MRPS31: variants seen among roughly 807,000 people sequenced by gnomAD.
The protein encoded by MRPS31 is mitochondrial ribosomal protein S31.
In MRPS31, 32 loss-of-function variants were observed where a neutral mutation model predicts 43.1. The observed-to-expected ratio is 0.74, with a 90% confidence interval of 0.56 to 1.00. The LOEUF is 1.00. Ranked by LOEUF, MRPS31 falls within the 50% of genes least tolerant of loss-of-function variation. MRPS31 has a pLI of 0.00. For synonymous variants in MRPS31, 165 were observed against 161.6 expected, an observed-to-expected ratio of 1.02 and a Z score of -0.16; for missense variants, 437 against 466.7, an observed-to-expected ratio of 0.94 and a Z score of 0.59.
chr13:40,735,650 G>A (rs1879876093), intron 6 of MRPS31, among the ~76,000 whole-genome samples: 1 of 152,054 alleles, frequency 6.6e-6, no homozygotes, highest in South Asian at 2.1e-4. Context: ...CTAACTGGGA[G>A]GCACCCACCA....
chr13:40,771,092 G>A lies in MRPS31; in HGVS notation c.45C>T (p.Ser15=). Reference sequence around the variant, plus strand: ...GGCTTCCAGAGGACAAAGGGTGGCGGGAAAGGGGGCGAAGAGGTAGGAACG... The same window carrying A: ...GGCTTCCAGAGGACAAAGGGTGGCGAGAAAGGGGGCGAAGAGGTAGGAACG... The part of the protein sequence containing the change: ...VSTFLPLRPL[S]RHPLSSGSPE... The change falls in exon 1 of 7, where the codon TCC becomes TCT. Residue 15 remains serine, a synonymous_variant. Coordinates refer to ENST00000323563, the MANE Select transcript of MRPS31 (RefSeq NM_005830.4). 1 of 1,613,942 alleles carries A rather than the reference G, an allele frequency of 6.2e-7. No homozygotes were observed. Among genetic ancestry groups the A allele is most frequent in the South Asian group, 1.1e-5 (1 of 91,054 alleles).
rs1387245357 is a variant in MRPS31, at chr13:40,750,743, TA to T, written c.815-1463del. On this transcript the variant is annotated intron_variant, in intron 5 of 6. Coordinates refer to ENST00000323563, the MANE Select transcript of MRPS31 (RefSeq NM_005830.4). Reference sequence around the variant, plus strand: ...GAATGCTTGCATTAGTATCCCATTTTATATATATATATATATATATATATAT... The same window carrying T: ...GAATGCTTGCATTAGTATCCCATTTTTATATATATATATATATATATATAT... Among the ~76,000 whole-genome samples the T allele has an allele frequency of 0.012, 30 of 2,574 alleles. No individual in the cohort carries two copies. In the South Asian group the frequency reaches 0.13, roughly 11 times the overall value. 1.7% of individuals were successfully genotyped at this position (2,574 alleles called of 152,430 possible).
intron 6 of MRPS31, among the ~76,000 whole-genome samples, chr13:40,736,442 T>TA: frequency 6.8e-6 from 1 of 146,018 alleles, no homozygotes; most frequent in Non-Finnish European, 1.5e-5. Context: ...GCCACAAAGA[T>TA]ACTCCTCGAG....
chr13:40,756,917 A>G lies in MRPS31; in HGVS notation c.696T>C (p.Tyr232=). 1 of 1,614,020 alleles carries G rather than the reference A, an allele frequency of 6.2e-7. No individual in the cohort carries two copies. The highest frequency in any genetic ancestry group is 1.3e-5 in the African/African-American group (1 of 75,034). Residue 232 remains tyrosine (Y), a synonymous_variant, in exon 4 of 7, where the codon TAT becomes TAC. Transcript: ENST00000323563. The stretch of plus-strand genomic sequence containing the variant: ...TCTTCTCCTGGCCAGGATAATTGTC[A>G]TAGCCTTCATCAAACTGAATCCGAA... ...PELRIQFDEG[Y]DNYPGQEKTD...
intron 6 of MRPS31, among the ~76,000 whole-genome samples, chr13:40,735,164 G>C (rs1210798744): frequency 1.3e-5 from 2 of 152,208 alleles, no homozygotes; most frequent in Non-Finnish European, 2.9e-5. Flanking sequence ...ATCAAAGAAA[G>C]GGGTGACGGA....
At chr13:40,731,218 A>G (rs976547924) in intron 6 of MRPS31, 1 of 145,902 alleles carries the variant, frequency 6.9e-6, no homozygotes. Context: ...CATACCATGC[A>G]CTCTAGCCTG....
At chr13:40,767,877 C>A (rs572552318) in intron 1 of MRPS31, among the ~76,000 whole-genome samples, 2 of 152,280 alleles carry the variant, frequency 1.3e-5, no homozygotes, top group South Asian at 2.1e-4. Flanking sequence ...AAAAAACTTT[C>A]TGAGTGGGTG....
chr13:40,729,658 T>C (rs577672905), intron 6 of MRPS31, 57 bp from the exon 7 acceptor site: 1 of 1,091,030 alleles, frequency 9.2e-7, no homozygotes, highest in African/African-American at 1.6e-5. Context: ...ACCTACATCA[T>C]AAAAATAATA....
chr13:40,765,905 A>C (rs1880832158), intron 2 of MRPS31, among the ~76,000 whole-genome samples: 1 of 152,194 alleles, frequency 6.6e-6, no homozygotes, highest in Non-Finnish European at 1.5e-5. Flanking sequence ...TAAATATAAT[A>C]CTCTTTTGAC....
Position 40,763,617 on chromosome 13 carries a change from T to C in MRPS31, c.440+3129A>G, listed in dbSNP as rs529961624. On this transcript the variant is annotated intron_variant, in intron 2 of 6. Coordinates refer to ENST00000323563, the MANE Select transcript of MRPS31 (RefSeq NM_005830.4). ...CCAGATGTACCTGATAAGCAGATTA[T>C]ACTTTCAGAAAATAGTGACAGCATT... Among the ~76,000 whole-genome samples, 3 of 152,286 alleles carry C rather than the reference T, an allele frequency of 2.0e-5. No homozygotes were observed. In the South Asian group the frequency reaches 6.2e-4, roughly 32 times the overall value.
Position 40,756,569 on chromosome 13 carries a change from T to G in MRPS31, c.740+304A>C, listed in dbSNP as rs1489499198. Among the ~76,000 whole-genome samples the G allele has an allele frequency of 2.0e-5, 3 of 152,192 alleles. No homozygotes were observed. In the East Asian group the frequency reaches 5.8e-4, roughly 29 times the overall value. ...AAAAATAATGTTTCTCACAAAATAC[T>G]TATTTGCTCAGAATTCAGTCAGCTC... is the stretch of plus-strand genomic sequence containing the variant. On this transcript the variant is annotated intron_variant, in intron 4 of 6. Coordinates refer to ENST00000323563, the MANE Select transcript of MRPS31 (RefSeq NM_005830.4).
intron 5 of MRPS31, 46 bp downstream of exon 5, chr13:40,753,973 G>T: frequency 8.4e-7 from 1 of 1,191,094 alleles, no homozygotes; most frequent in South Asian, 1.3e-5. Flanking sequence ...ATCCTGGAAC[G>T]ATGGAATGTT....
intron 2 of MRPS31, 82 bp downstream of exon 2, chr13:40,766,664 G>T: frequency 1.6e-6 from 2 of 1,268,142 alleles, no homozygotes; most frequent in South Asian, 3.0e-5. Flanking sequence ...CATTTCCCAA[G>T]TACTTGTATT....
chr13:40,745,565 A>T (rs1180761032), intron 6 of MRPS31, among the ~76,000 whole-genome samples: 1 of 152,108 alleles, frequency 6.6e-6, no homozygotes, highest in Non-Finnish European at 1.5e-5. Flanking sequence ...AATTTTTAAT[A>T]TGTATTTTGT....
chr13:40,732,994 GTTTTTTT>G (rs1159862645), intron 6 of MRPS31, among the ~76,000 whole-genome samples: 7 of 84,486 alleles, frequency 8.3e-5, no homozygotes, highest in African/African-American at 1.7e-4. Flanking sequence ...AATGCATTTG[GTTTTTTT>G]TTTTTTTTTT....
intron 2 of MRPS31, among the ~76,000 whole-genome samples, chr13:40,763,787 G>A (rs1328249537): frequency 6.6e-6 from 1 of 152,260 alleles, no homozygotes; most frequent in East Asian, 1.9e-4. Context: ...CAACTTCTGA[G>A]GCTAGATCAA....
At chr13:40,770,536 A>G (rs1880977872) in intron 1 of MRPS31, among the ~76,000 whole-genome samples, 1 of 152,242 alleles carries the variant, frequency 6.6e-6, no homozygotes, top group African/African-American at 2.4e-5. Flanking sequence ...ACACTATCTC[A>G]GCTATTACTT....
chr13:40,757,671 C>T (rs1880568461), intron 3 of MRPS31, among the ~76,000 whole-genome samples: 1 of 150,108 alleles, frequency 6.7e-6, no homozygotes, highest in Non-Finnish European at 1.5e-5. Flanking sequence ...GTCTTGATCT[C>T]CTGACGTGGT....
Position 40,770,973 on chromosome 13 carries a change from C to T in MRPS31, c.152+12G>A, listed in dbSNP as rs181496355. The T allele has an allele frequency of 1.2e-6, 2 of 1,614,046 alleles. No individual in the cohort carries two copies. Among genetic ancestry groups the T allele is most frequent in the East Asian group, 2.2e-5 (1 of 44,880 alleles). On this transcript the variant is annotated intron_variant, in intron 1 of 6. Coordinates refer to ENST00000323563, the MANE Select transcript of MRPS31 (RefSeq NM_005830.4). ...TGTACAGGACGGGGCACGGGGTTGC[C>T]TGAGGACCTACCGGGCCAACAGCGC...
Sources: gnomAD v4.1 joint callset for allele counts (sites outside exome capture counted in the v4.1 genomes callset) on GRCh38, gnomAD v4.1.1 for gene constraint, MANE v1.5 for transcripts, NCBI Gene and HGNC (gene_info 2026-07-23, HGNC 2026-07-21) for gene names.